Variants in CCDC149 observed in about 807,000 individuals in gnomAD.
CCDC149 encodes the protein coiled-coil domain containing 149.
A neutral mutation model predicts 59.9 loss-of-function variants in CCDC149; 45 were observed. That is an observed-to-expected ratio of 0.75 (90% CI 0.59 to 0.96). The LOEUF (loss-of-function observed/expected upper bound fraction) is 0.96, where lower values mean the gene tolerates loss of function less well. Ranked by LOEUF, CCDC149 falls within the 40% of genes least tolerant of loss-of-function variation. CCDC149 has a pLI of 0.00. For synonymous variants in CCDC149, 245 were observed against 260.6 expected, an observed-to-expected ratio of 0.94 and a Z score of 0.58; for missense variants, 584 against 664.7, an observed-to-expected ratio of 0.88 and a Z score of 1.33.
Position 24,829,593 on chromosome 4 carries a change from G to A in CCDC149, c.965+1913C>T, listed in dbSNP as rs1177997843. On this transcript the variant is annotated intron_variant, in intron 9 of 12. Coordinates refer to ENST00000635206, the MANE Select transcript of CCDC149 (RefSeq NM_001330643.2). ...AAGAAGGAAGAGACTCAAAGGTGGA[G>A]TTTGGGGATACTGGTGACCTGCAAA... 2.0e-5 allele frequency: 3 copies of A among 152,294 alleles called. 1 individual carries two copies. In the East Asian group the frequency reaches 5.8e-4, roughly 29 times the overall value. The allele number at this position is 152,294 out of a possible 1,614,324, so 9.4% of individuals were successfully genotyped here. A position where few individuals can be genotyped will look rare whatever the true frequency, so the allele number is the denominator to read the frequency against.
At chr4:24,929,717 C>T (rs1050340764) in intron 1 of CCDC149, among the ~76,000 whole-genome samples, 1 of 152,204 alleles carries the variant, frequency 6.6e-6, no homozygotes. Flanking sequence ...GCCTAGAACA[C>T]CCACTCACAT....
intron 1 of CCDC149, among the ~76,000 whole-genome samples, chr4:24,969,547 C>T (rs1469893962): frequency 6.6e-6 from 1 of 152,178 alleles, no homozygotes; most frequent in Non-Finnish European, 1.5e-5. Context: ...TAATGGGTTA[C>T]CCTCATATGT....
chr4:24,852,606 G>A (rs376840120), intron 4 of CCDC149, among the ~76,000 whole-genome samples: 1 of 152,096 alleles, frequency 6.6e-6, no homozygotes, highest in Non-Finnish European at 1.5e-5. Context: ...AGTGGATTTT[G>A]AGCAATGTTC....
At position 24,839,069 on chromosome 4, in the gene CCDC149, G is replaced by C. The variant is rs1194655365; in HGVS notation, c.373-797C>G. Among the ~76,000 whole-genome samples the C allele has an allele frequency of 3.4e-3, 503 of 148,840 alleles. 7 individuals are homozygous for C. Among genetic ancestry groups the C allele is most frequent in the African/African-American group, 0.012 (464 of 38,572 alleles). ...ACACACACACACACACACAGAGAGA[G>C]AGAGAGAAAGAGAGAGAGAGAAAGA... On this transcript the variant is annotated intron_variant, in intron 4 of 12. Coordinates refer to ENST00000635206, the MANE Select transcript of CCDC149 (RefSeq NM_001330643.2).
At position 24,931,609 on chromosome 4, in the gene CCDC149, G is replaced by A. The variant is rs114633804; in HGVS notation, c.-64-36491C>T. On this transcript the variant is annotated intron_variant, in intron 1 of 12. Coordinates refer to the CCDC149 transcript ENST00000389609. ...ATGAGCCAGCACTTTTATACACATC[G>A]AATTGGCTAGAACTAGTCACATGAC... is the stretch of plus-strand genomic sequence containing the variant. 7.2e-3 allele frequency among the ~76,000 whole-genome samples: 1,084 copies of A among 151,226 alleles called. 15 individuals carry two copies. Among genetic ancestry groups the A allele is most frequent in the African/African-American group, 0.025 (1,039 of 41,210 alleles).
chr4:24,961,303 CA>C, intron 1 of CCDC149, among the ~76,000 whole-genome samples: 1 of 151,986 alleles, frequency 6.6e-6, no homozygotes, highest in South Asian at 2.1e-4. Flanking sequence ...TGGACACTGA[CA>C]AAAAAATAAA....
At chr4:24,813,622 A>C (rs1714816613) in intron 12 of CCDC149, among the ~76,000 whole-genome samples, 1 of 151,374 alleles carries the variant, frequency 6.6e-6, no homozygotes, top group African/African-American at 2.4e-5. Context: ...TCTGTGATCC[A>C]TTCTAATTTT....
intron 9 of CCDC149, chr4:24,828,139 A>G (rs1715883803): frequency 6.6e-6 from 1 of 152,206 alleles, no homozygotes; most frequent in South Asian, 2.1e-4. Flanking sequence ...CCCCCTAAGT[A>G]TTAAAGATGG....
At chr4:24,846,596 C>T (rs1717303866) in intron 4 of CCDC149, among the ~76,000 whole-genome samples, 3 of 152,156 alleles carry the variant, frequency 2.0e-5, no homozygotes, top group African/African-American at 7.2e-5. Flanking sequence ...GTTTGCTCAC[C>T]AAATTCATCC....
intron 1 of CCDC149, among the ~76,000 whole-genome samples, chr4:24,952,507 G>A (rs1470490083): frequency 4.1e-5 from 6 of 144,760 alleles, no homozygotes; most frequent in African/African-American, 1.5e-4. Flanking sequence ...CAGGAGAATT[G>A]CTTGAACCAG....
chr4:24,913,531 A>G (rs1722022463), upstream of CCDC149, among the ~76,000 whole-genome samples: 1 of 152,280 alleles, frequency 6.6e-6, no homozygotes, highest in Non-Finnish European at 1.5e-5. Context: ...TTTTTAACGT[A>G]TCATTTGTCA....
In CCDC149 at chr4:24,874,244, G is replaced by GTTTTTTTTTTTTTTTTTTTTTT. The variant is rs5856868; in HGVS notation, c.226-526_226-525insAAAAAAAAAAAAAAAAAAAAAA. On this transcript the variant is annotated intron_variant, in intron 2 of 12. Coordinates refer to ENST00000635206, the MANE Select transcript of CCDC149 (RefSeq NM_001330643.2). ...GAGAACTTCTAGTCCTATTAGATTT[G>GTTTTTTTTTTTTTTTTTTTTTT]TTTTTTTTTTTTTTTGTTTTGTTTT... 3.1e-4 allele frequency among the ~76,000 whole-genome samples: 27 copies of GTTTTTTTTTTTTTTTTTTTTTT among 87,480 alleles called. 8 individuals are homozygous for GTTTTTTTTTTTTTTTTTTTTTT. Among genetic ancestry groups the GTTTTTTTTTTTTTTTTTTTTTT allele is most frequent in the African/African-American group, 1.6e-3 (27 of 17,168 alleles). 57.4% of individuals were successfully genotyped at this position (87,480 alleles called of 152,430 possible).
intron 3 of CCDC149, among the ~76,000 whole-genome samples, chr4:24,870,272 T>C (rs996880422): frequency 1.3e-5 from 2 of 152,224 alleles, no homozygotes. Context: ...GTGCCCTGTA[T>C]TTTTACTTGC....
intron 12 of CCDC149, among the ~76,000 whole-genome samples, chr4:24,815,766 G>A (rs1714973628): frequency 6.6e-6 from 1 of 152,196 alleles, no homozygotes; most frequent in African/African-American, 2.4e-5. Flanking sequence ...TTCTGCTCAT[G>A]TCCAAAGGTA....
chr4:24,839,930 G>A (rs1026847074), intron 4 of CCDC149, among the ~76,000 whole-genome samples: 1 of 152,206 alleles, frequency 6.6e-6, no homozygotes, highest in African/African-American at 2.4e-5. Flanking sequence ...CCAGCCAGGA[G>A]TGCCCGTGGG....
intron 12 of CCDC149, among the ~76,000 whole-genome samples, chr4:24,810,781 C>T (rs975825710): frequency 1.3e-5 from 2 of 152,128 alleles, no homozygotes; most frequent in Non-Finnish European, 2.9e-5. Flanking sequence ...ATCTAAGTCC[C>T]AATGAAATGT....
At chr4:24,870,241 T>C (rs1718955703) in intron 3 of CCDC149, among the ~76,000 whole-genome samples, 3 of 152,222 alleles carry the variant, frequency 2.0e-5, no homozygotes, top group Admixed American at 2.0e-4. Context: ...TACATTCCTA[T>C]CTGAAATTCA....
intron 1 of CCDC149, among the ~76,000 whole-genome samples, chr4:24,923,370 A>G (rs1330746927): frequency 2.0e-5 from 3 of 152,262 alleles, no homozygotes; most frequent in Non-Finnish European, 4.4e-5. Flanking sequence ...CTAGTCGGAA[A>G]GACAAGAAGG....
At chr4:24,826,261 A>G (rs1042171757) in intron 9 of CCDC149, among the ~76,000 whole-genome samples, 1 of 152,122 alleles carries the variant, frequency 6.6e-6, no homozygotes, top group African/African-American at 2.4e-5. Context: ...TGCCCAGCCC[A>G]GTGAAGGGTT....
Sources: allele counts gnomAD v4.1 joint callset (sites outside exome capture counted in the v4.1 genomes callset), GRCh38; gene constraint gnomAD v4.1.1; transcripts MANE v1.5; gene names NCBI Gene and HGNC (gene_info 2026-07-23, HGNC 2026-07-21).